The following FMN1 variants were observed in gnomAD, a reference collection of about 807,000 sequenced individuals.
The protein encoded by FMN1 is formin-1.
A neutral mutation model predicts 132.4 loss-of-function variants in FMN1; 110 were observed. The ratio of observed to expected loss-of-function variants is 0.83; its 90% CI spans 0.71 to 0.97. The LOEUF is 0.97. Ranked by LOEUF, FMN1 falls within the 50% of genes least tolerant of loss-of-function variation. The probability of loss-of-function intolerance (pLI) is 0.00; values close to 1 mark genes in which losing one functional copy is unlikely to be tolerated. For synonymous variants in FMN1, 722 were observed against 651.7 expected, an observed-to-expected ratio of 1.11 and a Z score of -1.64; for missense variants, 1,792 against 1,705.3, an observed-to-expected ratio of 1.05 and a Z score of -0.90.
chr15:33,131,293 C>T (rs894894451), intron 4 of FMN1, among the ~76,000 whole-genome samples: 21 of 140,658 alleles, frequency 1.5e-4, no homozygotes, highest in Non-Finnish European at 9.0e-5. Context: ...CGCTCCACTG[C>T]ACTCCAGCCT....
At position 32,785,218 on chromosome 15, in the gene FMN1, A is replaced by ATTTTTTTTTTT. The variant is rs1230723314; in HGVS notation, c.4131-8310_4131-8300dup. ...TGTGTGTGTATATATATATATATAT[A>ATTTTTTTTTTT]TTTTTTTTTTTTTTTTTTTGTAGAG... is the stretch of plus-strand genomic sequence containing the variant. On this transcript the variant is annotated intron_variant, in intron 19 of 20. Coordinates refer to ENST00000616417, the MANE Select transcript of FMN1 (RefSeq NM_001277313.2). Among the ~76,000 whole-genome samples, 191 of 39,194 alleles carry ATTTTTTTTTTT rather than the reference A, an allele frequency of 4.9e-3. 24 individuals are homozygous for ATTTTTTTTTTT. Among genetic ancestry groups the ATTTTTTTTTTT allele is most frequent in the Non-Finnish European group, 5.2e-3 (116 of 22,102 alleles). The allele number at this position is 39,194 out of a possible 152,430, so 25.7% of individuals were successfully genotyped here.
At chr15:33,039,667 T>C (rs1402039083) in intron 6 of FMN1, among the ~76,000 whole-genome samples, 1 of 152,206 alleles carries the variant, frequency 6.6e-6, no homozygotes, top group Non-Finnish European at 1.5e-5. Context: ...TCTGTTCTTT[T>C]AATAGCCCTG....
intron 5 of FMN1, chr15:33,068,128 C>T (rs1028850485): frequency 7.9e-6 from 7 of 883,212 alleles, no homozygotes; most frequent in African/African-American, 5.1e-5. Context: ...CAGAAGCAGC[C>T]GAGGCTGCGC....
At chr15:33,035,938 G>A (rs1013777762) in intron 6 of FMN1, among the ~76,000 whole-genome samples, 12 of 152,130 alleles carry the variant, frequency 7.9e-5, no homozygotes, top group African/African-American at 2.9e-4. Context: ...AGGGAAGCTG[G>A]TGGCTTTATA....
intron 14 of FMN1, 69 bp from the exon 15 acceptor site, chr15:32,898,962 T>C: frequency 9.2e-7 from 1 of 1,082,788 alleles, no homozygotes; most frequent in Non-Finnish European, 1.4e-6. Context: ...GGTTGAGAGG[T>C]GAAATCTCAG....
At chr15:33,072,781 G>A (rs531784256) in intron 5 of FMN1, among the ~76,000 whole-genome samples, 1 of 152,198 alleles carries the variant, frequency 6.6e-6, no homozygotes, top group Non-Finnish European at 1.5e-5. Context: ...AAATTAGCCA[G>A]GCATGGTGGT....
Position 32,899,683 on chromosome 15 carries a change from C to T in FMN1, c.3654+296G>A, listed in dbSNP as rs1301976682. 6 of 412,212 alleles carry T rather than the reference C, an allele frequency of 1.5e-5. No individual in the cohort carries two copies. In the East Asian group the frequency reaches 2.9e-4, roughly 20 times the overall value. 25.5% of individuals were successfully genotyped at this position (412,212 alleles called of 1,614,324 possible). On this transcript the variant is annotated intron_variant, in intron 14 of 20. Coordinates refer to ENST00000616417, the MANE Select transcript of FMN1 (RefSeq NM_001277313.2). ...CTTTGCAGGATCCTGGTACTGTATG[C>T]TATCTGTTTTGTTCTCTCACTGAGT... is the stretch of plus-strand genomic sequence containing the variant.
intron 12 of FMN1, 63 bp from the exon 13 acceptor site, chr15:32,902,103 C>A (rs1413302111): frequency 1.6e-5 from 23 of 1,440,414 alleles, no homozygotes; most frequent in Non-Finnish European, 2.2e-5. Context: ...AAAAAGACAG[C>A]TGAAAAAGAC....
rs192921344 is a variant in FMN1, at chr15:32,905,880, C to T, written c.3377+2610G>A. Among the ~76,000 whole-genome samples, 67 of 149,546 alleles carry T rather than the reference C, an allele frequency of 4.5e-4. 2 individuals are homozygous for T. In the East Asian group the frequency reaches 0.013, roughly 28 times the overall value. ...GTTGGTAGCAAAGGTGAAATGCACC[C>T]AGGTCTGAAGGCCCCCATCTATCCG... is the stretch of plus-strand genomic sequence containing the variant. On this transcript the variant is annotated intron_variant, in intron 12 of 20. Coordinates refer to ENST00000616417, the MANE Select transcript of FMN1 (RefSeq NM_001277313.2).
At chr15:32,798,466 C>T (rs921482935) in intron 19 of FMN1, among the ~76,000 whole-genome samples, 4 of 152,148 alleles carry the variant, frequency 2.6e-5, no homozygotes, top group South Asian at 2.1e-4. Context: ...ATACTGTCTG[C>T]GACAGCAAGG....
chr15:32,950,056 T>TATATATATATACAC (rs1191276754), intron 9 of FMN1, among the ~76,000 whole-genome samples: 2 of 71,680 alleles, frequency 2.8e-5, no homozygotes, highest in African/African-American at 1.4e-4. Context: ...TATATACACA[T>TATATATATATACAC]ATATATATAT....
At chr15:32,867,827 G>A (rs1045229128) in intron 16 of FMN1, among the ~76,000 whole-genome samples, 2 of 152,126 alleles carry the variant, frequency 1.3e-5, no homozygotes, top group African/African-American at 4.8e-5. Context: ...TCTGTGATGA[G>A]AGACCCTCTG....
At chr15:32,958,826 G>C (rs2140552831) in intron 9 of FMN1, among the ~76,000 whole-genome samples, 1 of 152,220 alleles carries the variant, frequency 6.6e-6, no homozygotes, top group East Asian at 1.9e-4. Flanking sequence ...TGGATCACCT[G>C]AGGTCAGGAG....
chr15:32,848,972 CTTTTGTTTT>C (rs1272800162), intron 17 of FMN1, among the ~76,000 whole-genome samples: 3 of 68,628 alleles, frequency 4.4e-5, no homozygotes, highest in African/African-American at 1.1e-4. Context: ...GGTTAGTTCT[CTTTTGTTTT>C]TTTTTTTTTT....
chr15:33,072,353 G>A (rs1427620384), intron 5 of FMN1, among the ~76,000 whole-genome samples: 1 of 152,132 alleles, frequency 6.6e-6, no homozygotes, highest in East Asian at 1.9e-4. Context: ...TGTGGGACTT[G>A]GGTATGAGAG....
intron 4 of FMN1, among the ~76,000 whole-genome samples, chr15:33,128,181 A>G (rs79219094): frequency 2.1e-4 from 26 of 122,252 alleles, no homozygotes; most frequent in African/African-American, 3.9e-4. Flanking sequence ...AAGCAAGCAA[A>G]CAAATTGCTC....
At chr15:32,952,906 T>C (rs895612655) in intron 9 of FMN1, among the ~76,000 whole-genome samples, 12 of 152,328 alleles carry the variant, frequency 7.9e-5, no homozygotes, top group South Asian at 4.1e-4. Context: ...ATCTGGCTGC[T>C]TCTGTGGGTC....
intron 17 of FMN1, among the ~76,000 whole-genome samples, chr15:32,813,348 G>A (rs2141056649): frequency 6.6e-6 from 1 of 152,248 alleles, no homozygotes; most frequent in South Asian, 2.1e-4. Flanking sequence ...AGTTCTAGGA[G>A]GTAATCGGAC....
chr15:33,097,642 G>A (rs2039139428), intron 4 of FMN1, among the ~76,000 whole-genome samples: 1 of 152,152 alleles, frequency 6.6e-6, no homozygotes, highest in African/African-American at 2.4e-5. Context: ...GGGGAGGAGG[G>A]CAGACAGAGA....
Sources: allele counts gnomAD v4.1 joint callset (sites outside exome capture counted in the v4.1 genomes callset), GRCh38; gene constraint gnomAD v4.1.1; transcripts MANE v1.5; gene names NCBI Gene and HGNC (gene_info 2026-07-23, HGNC 2026-07-21).